The following ARSF variants were observed in gnomAD, a reference collection of about 807,000 sequenced individuals.
The protein encoded by ARSF is arylsulfatase F.
In ARSF, 33 loss-of-function variants were observed where a neutral mutation model predicts 35.4. The ratio of observed to expected loss-of-function variants is 0.93; its 90% CI spans 0.71 to 1.25. The LOEUF (loss-of-function observed/expected upper bound fraction) is 1.25. Ranked by LOEUF, ARSF falls within the 50% of genes most tolerant of loss-of-function variation. The pLI is 0.00. For synonymous variants in ARSF, 222 were observed against 193.1 expected (o/e 1.15, Z -1.24); for missense variants, 501 against 480.2 (o/e 1.04, Z -0.40).
intron 5 of ARSF, among the ~76,000 whole-genome samples, chrX:3,083,267 A>G (rs746685337): frequency 2.1e-4 from 23 of 111,065 alleles, no homozygotes; most frequent in Non-Finnish European, 2.8e-4. Flanking sequence ...ATATACATAC[A>G]CATATGTATA....
chrX:3,062,857 C>T (rs1410799968), intron 1 of ARSF, among the ~76,000 whole-genome samples: 4 of 111,550 alleles, frequency 3.6e-5, no homozygotes, highest in Non-Finnish European at 5.6e-5. Context: ...GGATTCACAG[C>T]CAAATTCTAC....
chrX:3,089,162 A>G lies in ARSF; in HGVS notation c.831-334A>G, dbSNP rs188516945. Among the ~76,000 whole-genome samples the G allele has an allele frequency of 9.8e-5, 11 of 112,382 alleles. No individual in the cohort carries two copies. In the East Asian group the frequency reaches 3.1e-3, roughly 32 times the overall value. On this transcript the variant is annotated intron_variant, in intron 6 of 10. Transcript: ENST00000381127. ...AAATAGGTACCAAACAAGTAGGAAT[A>G]CATAGATGAGAGGGCAAGCTGACCT...
In ARSF at chrX:3,103,780, G is replaced by T. The variant is rs2090394941; in HGVS notation, c.1121G>T (p.Gly374Val). The T allele has an allele frequency of 7.4e-6, 9 of 1,209,580 alleles. No homozygotes were observed. The highest frequency in any genetic ancestry group is 1.8e-5 in the African/African-American group (1 of 57,122). The change falls in exon 9 of 11, where the codon GGC becomes GTC. Residue 374 changes from glycine (G) to valine (V), a missense_variant. Coordinates refer to ENST00000381127, the MANE Select transcript of ARSF (RefSeq NM_001201539.2). ...CTTATAGGTGGAAAAGGCATGGGGG[G>T]CTGGGAAGGTGGAATCCGCGTCCCA... is the stretch of plus-strand genomic sequence containing the variant. ...GIYKGGKGMG[G>V]WEGGIRVPGI...
intron 4 of ARSF, among the ~76,000 whole-genome samples, chrX:3,077,789 T>TTTTTTATTATTA (rs1555919570): frequency 0.03 from 2,726 of 92,189 alleles, 45 homozygotes; most frequent in Non-Finnish European, 0.043. Context: ...TTTTATTTTA[T>TTTTTTATTATTA]TTATTATTAT....
intron 1 of ARSF, among the ~76,000 whole-genome samples, chrX:3,042,698 A>C (rs1008743564): frequency 2.7e-5 from 3 of 109,805 alleles, no homozygotes; most frequent in African/African-American, 9.9e-5. Context: ...GGGTCTTGCC[A>C]TGTTGGCCAG....
At chrX:3,073,194 A>G (rs1005739505) in intron 3 of ARSF, among the ~76,000 whole-genome samples, 1 of 96,967 alleles carries the variant, frequency 1.0e-5, no homozygotes, top group African/African-American at 3.6e-5. Context: ...AATATATAAA[A>G]GTATATATTA....
At chrX:3,041,127 T>C (rs1237054877), upstream of ARSF, among the ~76,000 whole-genome samples, 1 of 110,599 alleles carries the variant, frequency 9.0e-6, no homozygotes, top group Non-Finnish European at 1.9e-5. Context: ...TTACATATTA[T>C]GTCTGTGCTT....
intron 1 of ARSF, among the ~76,000 whole-genome samples, chrX:3,062,314 G>A (rs1159981603): frequency 8.9e-6 from 1 of 111,897 alleles, no homozygotes; most frequent in Admixed American, 9.5e-5. Context: ...TGTGTAGAGG[G>A]AAATTTATAG....
chrX:3,041,612 T>C lies in ARSF; in HGVS notation c.-80T>C, dbSNP rs1159835616. Reference sequence around the variant, plus strand: ...GGCCCTTCTGTTACTTTTCCACTGCTGTTGAGATAGAAGTCACTGTTGGGA... The same window carrying C: ...GGCCCTTCTGTTACTTTTCCACTGCCGTTGAGATAGAAGTCACTGTTGGGA... On this transcript the variant is annotated 5_prime_UTR_variant, in exon 1 of 11. Transcript: ENST00000381127. 1 of 111,933 alleles carries C rather than the reference T, an allele frequency of 8.9e-6. No homozygotes were observed. Among genetic ancestry groups the C allele is most frequent in the Non-Finnish European group, 1.9e-5 (1 of 53,255 alleles). The allele number at this position is 111,933 out of a possible 1,213,427, so 9.2% of individuals were successfully genotyped here. A position where few individuals can be genotyped will look rare whatever the true frequency, so the allele number is the denominator to read the frequency against.
chrX:3,042,254 CTT>C (rs1397776495), intron 1 of ARSF, among the ~76,000 whole-genome samples: 1 of 111,633 alleles, frequency 9.0e-6, no homozygotes, highest in Non-Finnish European at 1.9e-5. Flanking sequence ...AGGGAAATAA[CTT>C]TAAATGATGA....
intron 7 of ARSF, among the ~76,000 whole-genome samples, chrX:3,098,704 G>A (rs2090355682): frequency 9.0e-6 from 1 of 110,901 alleles, no homozygotes; most frequent in South Asian, 3.9e-4. Flanking sequence ...AAGTTACCCC[G>A]TCTCAGGTAT....
intron 7 of ARSF, among the ~76,000 whole-genome samples, chrX:3,093,034 C>A (rs183633108): frequency 2.5e-4 from 27 of 107,343 alleles, no homozygotes; most frequent in African/African-American, 4.8e-4. Flanking sequence ...TCCGTGGTGG[C>A]GGGCGTCTGT....
intron 3 of ARSF, 26 bp downstream of exon 3, chrX:3,072,201 A>G (rs745858726): frequency 8.4e-7 from 1 of 1,195,896 alleles, no homozygotes; most frequent in Admixed American, 2.2e-5. Context: ...GGCCAGTCAT[A>G]CGTTCGTCAG....
intron 10 of ARSF, 51 bp from the exon 11 acceptor site, chrX:3,112,123 T>G: frequency 7.5e-6 from 8 of 1,067,160 alleles, no homozygotes; most frequent in Non-Finnish European, 1.0e-5. Context: ...CTTCTTCCTT[T>G]GATCTGGCTG....
rs2089955272 is a variant in ARSF, at chrX:3,041,491, A to T, written c.-201A>T. 1 of 109,959 alleles carries T rather than the reference A, an allele frequency of 9.1e-6. No homozygotes were observed. Among genetic ancestry groups the T allele is most frequent in the Admixed American group, 9.8e-5 (1 of 10,198 alleles). The allele number at this position is 109,959 out of a possible 1,213,427, so 9.1% of individuals were successfully genotyped here. On this transcript the variant is annotated 5_prime_UTR_variant, in exon 1 of 11. An upstream start codon of the reference 5' UTR is lost. Coordinates refer to ENST00000381127, the MANE Select transcript of ARSF (RefSeq NM_001201539.2). ...TTTTTAGTGGAGACAGGCTCTCACCATGTTGACCAGGCTGGTCTCGAACTC... is the reference window on the plus strand; with the variant it reads ...TTTTTAGTGGAGACAGGCTCTCACCTTGTTGACCAGGCTGGTCTCGAACTC...
chrX:3,088,259 A>G (rs1048348274), intron 6 of ARSF, among the ~76,000 whole-genome samples: 1 of 111,600 alleles, frequency 9.0e-6, no homozygotes, highest in African/African-American at 3.3e-5. Flanking sequence ...CTGTCTCTTG[A>G]TGTATCTCAG....
intron 3 of ARSF, among the ~76,000 whole-genome samples, chrX:3,072,909 T>C (rs1368808900): frequency 1.9e-5 from 2 of 103,026 alleles, no homozygotes; most frequent in Non-Finnish European, 3.9e-5. Context: ...CATATATGAA[T>C]ATATTTATAA....
At chrX:3,106,411 A>C (rs1448641296) in intron 9 of ARSF, among the ~76,000 whole-genome samples, 1 of 111,695 alleles carries the variant, frequency 9.0e-6, no homozygotes, top group African/African-American at 3.3e-5. Context: ...TGTCCTTGCT[A>C]ATAGAGAATA....
chrX:3,060,919 A>C (rs2090039133), intron 1 of ARSF, among the ~76,000 whole-genome samples: 2 of 111,763 alleles, frequency 1.8e-5, no homozygotes, highest in South Asian at 7.5e-4. Flanking sequence ...AACTTCCCCA[A>C]CCTAGCAAGG....
Sources: allele counts gnomAD v4.1 joint callset (sites outside exome capture counted in the v4.1 genomes callset), GRCh38; gene constraint gnomAD v4.1.1; transcripts MANE v1.5; gene names NCBI Gene and HGNC (gene_info 2026-07-23, HGNC 2026-07-21).